Variants in INPP4B observed in about 807,000 individuals in gnomAD.
The protein encoded by INPP4B is inositol polyphosphate 4-phosphatase type II.
Under a neutral mutation model 122.5 loss-of-function variants are expected in INPP4B, and 55 were observed. The ratio of observed to expected loss-of-function variants is 0.45; its 90% CI spans 0.36 to 0.56. The LOEUF is 0.56. Ranked by LOEUF, INPP4B falls within the 20% of genes least tolerant of loss-of-function variation. The pLI, the probability that INPP4B is intolerant of heterozygous loss-of-function variation, is 0.00. For synonymous variants in INPP4B, 403 were observed against 388.7 expected (o/e 1.04, Z -0.43); for missense variants, 1,000 against 1,097.7 (o/e 0.91, Z 1.26).
chr4:142,322,175 G>T (rs956817564), intron 7 of INPP4B, among the ~76,000 whole-genome samples: 1 of 151,942 alleles, frequency 6.6e-6, no homozygotes, highest in East Asian at 1.9e-4. Flanking sequence ...TTAGATAACG[G>T]TTTTCTAGTT....
chr4:142,036,023 CA>C (rs1743684353), intron 25 of INPP4B, among the ~76,000 whole-genome samples: 1 of 151,974 alleles, frequency 6.6e-6, no homozygotes, highest in Non-Finnish European at 1.5e-5. Context: ...GCTTAGTACC[CA>C]AAAGGTAGAT....
intron 2 of INPP4B, among the ~76,000 whole-genome samples, chr4:142,679,461 T>G (rs1207453170): frequency 6.6e-6 from 1 of 151,920 alleles, no homozygotes; most frequent in Non-Finnish European, 1.5e-5. Context: ...AATGTTTAAT[T>G]TATGGCACTA....
At chr4:142,245,180 C>G (rs780906639) in intron 11 of INPP4B, among the ~76,000 whole-genome samples, 6 of 152,126 alleles carry the variant, frequency 3.9e-5, no homozygotes, top group Non-Finnish European at 8.8e-5. Context: ...TGCCTGTTCA[C>G]TCTGATGATA....
intron 2 of INPP4B, among the ~76,000 whole-genome samples, chr4:142,551,901 G>A (rs1194036811): frequency 2.0e-5 from 3 of 152,188 alleles, no homozygotes; most frequent in Non-Finnish European, 4.4e-5. Context: ...CTGACACTAA[G>A]GCTATATTTT....
intron 7 of INPP4B, among the ~76,000 whole-genome samples, chr4:142,336,871 C>A (rs1776801395): frequency 6.6e-6 from 1 of 152,308 alleles, no homozygotes; most frequent in East Asian, 1.9e-4. Context: ...GAAAAAAATG[C>A]AACTTGATTG....
At chr4:142,489,842 T>C (rs967152760) in intron 2 of INPP4B, among the ~76,000 whole-genome samples, 14 of 152,222 alleles carry the variant, frequency 9.2e-5, no homozygotes, top group African/African-American at 3.1e-4. Flanking sequence ...AGAATAGTTA[T>C]GACATCTGAT....
intron 4 of INPP4B, 75 bp downstream of exon 4, chr4:142,431,094 T>C (rs1280790005): frequency 1.0e-6 from 1 of 991,476 alleles, no homozygotes; most frequent in Non-Finnish European, 1.6e-6. Flanking sequence ...TGAATGCATG[T>C]ATGTATGTGT....
intron 14 of INPP4B, among the ~76,000 whole-genome samples, chr4:142,203,418 TATTAC>T (rs1167190309): frequency 5.3e-5 from 8 of 152,066 alleles, no homozygotes; most frequent in South Asian, 2.1e-4. Flanking sequence ...TAAAACAGAA[TATTAC>T]ATTACAAGAA....
intron 17 of INPP4B, among the ~76,000 whole-genome samples, chr4:142,153,186 T>A (rs982779602): frequency 1.3e-5 from 2 of 152,222 alleles, no homozygotes; most frequent in African/African-American, 2.4e-5. Flanking sequence ...TTGGATGTTA[T>A]CTGCACACTA....
intron 25 of INPP4B, among the ~76,000 whole-genome samples, chr4:142,070,810 C>T (rs1198085120): frequency 6.6e-6 from 1 of 152,066 alleles, no homozygotes; most frequent in Non-Finnish European, 1.5e-5. Flanking sequence ...TGGAGAACTA[C>T]AAACCACTCC....
At chr4:142,345,967 T>C (rs1182680042) in intron 7 of INPP4B, among the ~76,000 whole-genome samples, 1 of 152,056 alleles carries the variant, frequency 6.6e-6, no homozygotes, top group Non-Finnish European at 1.5e-5. Context: ...ACTGTTTTTT[T>C]GTCCCAGCTG....
chr4:142,562,610 G>T (rs1730704623), intron 2 of INPP4B, among the ~76,000 whole-genome samples: 1 of 151,704 alleles, frequency 6.6e-6, no homozygotes, highest in Non-Finnish European at 1.5e-5. Flanking sequence ...ATTGCTTTTT[G>T]AAAACAAAAT....
intron 3 of INPP4B, among the ~76,000 whole-genome samples, chr4:142,439,899 G>C (rs533213947): frequency 2.6e-5 from 4 of 152,252 alleles, no homozygotes; most frequent in South Asian, 2.1e-4. Context: ...CCTCATCCAT[G>C]ATGACTTCTC....
At chr4:142,145,535 A>G (rs1020170536) in intron 18 of INPP4B, among the ~76,000 whole-genome samples, 2 of 152,134 alleles carry the variant, frequency 1.3e-5, no homozygotes, top group African/African-American at 4.8e-5. Context: ...TTCTAATAAA[A>G]TTTTGGAGGA....
chr4:142,718,987 T>C (rs758013128), intron 2 of INPP4B, among the ~76,000 whole-genome samples: 5 of 152,232 alleles, frequency 3.3e-5, no homozygotes, highest in Non-Finnish European at 7.3e-5. Flanking sequence ...ATGATAAAGA[T>C]GTAACATTTA....
intron 24 of INPP4B, among the ~76,000 whole-genome samples, chr4:142,084,902 C>A (rs1164515001): frequency 6.6e-6 from 1 of 152,078 alleles, no homozygotes; most frequent in Non-Finnish European, 1.5e-5. Flanking sequence ...TATCTTCATG[C>A]CGTCATGTTT....
chr4:142,089,680 T>TAC (rs1778576223), intron 23 of INPP4B, among the ~76,000 whole-genome samples: 2 of 152,050 alleles, frequency 1.3e-5, no homozygotes, highest in South Asian at 2.1e-4. Flanking sequence ...ACAGCAGTCA[T>TAC]ACACACACAC....
intron 2 of INPP4B, among the ~76,000 whole-genome samples, chr4:142,657,104 G>A (rs1055413666): frequency 1.3e-5 from 2 of 152,192 alleles, no homozygotes; most frequent in East Asian, 1.9e-4. Context: ...TGCACCCAGT[G>A]ACTGGGTGGT....
chr4:142,550,619 TA>T (rs33953457), intron 2 of INPP4B, among the ~76,000 whole-genome samples: 2,202 of 39,570 alleles, frequency 0.056, 48 homozygotes, highest in African/African-American at 0.1. Flanking sequence ...TATATATATA[TA>T]TTTTTTTTTT....
Sources: allele counts gnomAD v4.1 joint callset (sites outside exome capture counted in the v4.1 genomes callset), GRCh38; gene constraint gnomAD v4.1.1; transcripts MANE v1.5; gene names NCBI Gene and HGNC (gene_info 2026-07-23, HGNC 2026-07-21).